The following NHSL3 variants were observed in gnomAD, a reference collection of about 807,000 sequenced individuals.
The protein encoded by NHSL3 is NHS-like protein 3.
chr1:32,767,613 G>C, the NHSL3 span, among the ~76,000 whole-genome samples: 1 of 152,172 alleles, frequency 6.6e-6, no homozygotes, highest in Non-Finnish European at 1.5e-5. Flanking sequence ...TGTGTGTGTT[G>C]AGTGTTTACT....
chr1:32,752,239 G>C, the NHSL3 span, among the ~76,000 whole-genome samples: 5 of 150,726 alleles, frequency 3.3e-5, no homozygotes, highest in African/African-American at 4.9e-5. Flanking sequence ...TCTAGCAAGA[G>C]AAGGGCCTCA....
chr1:32,773,089 C>G, the NHSL3 span: 2 of 604,328 alleles, frequency 3.3e-6, no homozygotes, highest in Non-Finnish European at 5.9e-6. Flanking sequence ...TGCCTTTTCC[C>G]GAATGGGTTC....
chr1:32,765,245 A>G, the NHSL3 span, among the ~76,000 whole-genome samples: 1 of 152,106 alleles, frequency 6.6e-6, no homozygotes, highest in African/African-American at 2.4e-5. Flanking sequence ...GCCTCTGCCC[A>G]CAGCCTTGCC....
chr1:32,772,929 C>T, the NHSL3 span: 1 of 1,605,476 alleles, frequency 6.2e-7, no homozygotes, highest in Non-Finnish European at 8.5e-7. Flanking sequence ...ATCCCAGAAA[C>T]ACAATCTCAG....
At chr1:32,770,646 G>A in the NHSL3 span, 1 of 1,522,182 alleles carries the variant, frequency 6.6e-7, no homozygotes, top group Non-Finnish European at 8.8e-7. This position sits in a 1 kb window ranked among gnomAD's most constrained non-coding sequence, Gnocchi z 8.3. Flanking sequence ...GCCGGAGTGT[G>A]TCCCTGCGTA....
At chr1:32,760,294 G>C in the NHSL3 span, among the ~76,000 whole-genome samples, 2 of 152,166 alleles carry the variant, frequency 1.3e-5, no homozygotes, top group Non-Finnish European at 2.9e-5. Context: ...CTGGCTGTGG[G>C]CGCGCCACCA....
the NHSL3 span, chr1:32,770,979 T>C: frequency 1.1e-6 from 1 of 909,650 alleles, no homozygotes; most frequent in Non-Finnish European, 1.6e-6. The surrounding 1 kb of genome is among the most constrained non-coding windows in gnomAD (Gnocchi z 8.3). Flanking sequence ...GCCTGGCAGG[T>C]CCCCCTGCTT....
the NHSL3 span, chr1:32,771,498 AC>A: frequency 8.4e-7 from 1 of 1,183,702 alleles, no homozygotes; most frequent in Non-Finnish European, 1.1e-6. Flanking sequence ...CCCCTCCCCC[AC>A]CCCCTGCCCC....
chr1:32,752,375 G>A, the NHSL3 span, among the ~76,000 whole-genome samples: 1 of 152,168 alleles, frequency 6.6e-6, no homozygotes, highest in African/African-American at 2.4e-5. Flanking sequence ...GGAAGGATAA[G>A]CCATGTGGGG....
At chr1:32,750,469 C>A in the NHSL3 span, among the ~76,000 whole-genome samples, 3 of 152,104 alleles carry the variant, frequency 2.0e-5, no homozygotes, top group Non-Finnish European at 2.9e-5. Flanking sequence ...TAGGACACCC[C>A]CTCCTCCAAG....
At chr1:32,771,022 C>A in the NHSL3 span, 1 of 1,612,412 alleles carries the variant, frequency 6.2e-7, no homozygotes, top group Admixed American at 1.7e-5. Context: ...TAAACCAGAG[C>A]GTGTCACGTC....
chr1:32,766,952 C>T, the NHSL3 span, among the ~76,000 whole-genome samples: 2 of 152,126 alleles, frequency 1.3e-5, no homozygotes, highest in African/African-American at 4.8e-5. Context: ...GACTATTTCC[C>T]CAAGAGAGAC....
the NHSL3 span, chr1:32,772,808 G>A: frequency 6.4e-7 from 1 of 1,558,034 alleles, no homozygotes; most frequent in Non-Finnish European, 8.9e-7. Context: ...TGGGCTCCTA[G>A]TGCCAGAACC....
the NHSL3 span, chr1:32,769,725 G>T: frequency 6.2e-7 from 1 of 1,614,090 alleles, no homozygotes; most frequent in African/African-American, 1.3e-5. Context: ...AGTCAGGGCG[G>T]CGTCGGCGGG....
the NHSL3 span, among the ~76,000 whole-genome samples, chr1:32,751,981 T>C: frequency 2.0e-5 from 3 of 152,182 alleles, no homozygotes; most frequent in Non-Finnish European, 2.9e-5. Context: ...ATTTAGACTT[T>C]ATCCTTGGGT....
At chr1:32,770,895 G>A in the NHSL3 span, 1 of 1,609,904 alleles carries the variant, frequency 6.2e-7, no homozygotes, top group Middle Eastern at 1.7e-4. This position sits in a 1 kb window ranked among gnomAD's most constrained non-coding sequence, Gnocchi z 8.3. Flanking sequence ...GCCCCCCACG[G>A]TCCCCAGAAC....
chr1:32,757,306 T>A, the NHSL3 span, among the ~76,000 whole-genome samples: 1 of 146,052 alleles, frequency 6.8e-6, no homozygotes, highest in Non-Finnish European at 1.5e-5. Flanking sequence ...TCTACAAAAG[T>A]GGGGTGTTAG....
At chr1:32,753,219 T>C in the NHSL3 span, among the ~76,000 whole-genome samples, 1 of 150,364 alleles carries the variant, frequency 6.7e-6, no homozygotes, top group African/African-American at 2.4e-5. Context: ...GTGGTGTGGC[T>C]CACGCCTGTA....
At chr1:32,765,469 CG>C in the NHSL3 span, among the ~76,000 whole-genome samples, 1 of 152,228 alleles carries the variant, frequency 6.6e-6, no homozygotes, top group Non-Finnish European at 1.5e-5. Flanking sequence ...TGAGTATCTT[CG>C]GTCCTCCTAA....
Sources: allele counts gnomAD v4.1 joint callset (sites outside exome capture counted in the v4.1 genomes callset), GRCh38; gene constraint gnomAD v4.1.1; non-coding constraint Gnocchi (gnomAD v3.1); transcripts MANE v1.5; gene names NCBI Gene and HGNC (gene_info 2026-07-23, HGNC 2026-07-21).